SEL1L3: variants seen among roughly 807,000 people sequenced by gnomAD.
SEL1L3 encodes the protein SEL1L family member 3.
SEL1L3 carries 76 observed loss-of-function variants against 142.8 expected under a neutral mutation model. The observed-to-expected ratio is 0.53, with a 90% CI of 0.44 to 0.64. The LOEUF is 0.64. Among genes scored for constraint, SEL1L3 ranks in the 30% least tolerant of loss-of-function variants. The pLI, the probability that SEL1L3 is intolerant of heterozygous loss-of-function variation, is 0.00. For synonymous variants in SEL1L3, 504 were observed against 519.6 expected (o/e 0.97, Z 0.41); for missense variants, 1,262 against 1,381.7 (o/e 0.91, Z 1.37).
At chr4:25,760,750 A>G (rs529397805) in intron 20 of SEL1L3, among the ~76,000 whole-genome samples, 10 of 152,320 alleles carry the variant, frequency 6.6e-5, no homozygotes, top group African/African-American at 2.4e-4. Context: ...TTTCACAACC[A>G]TCGTATGTCG....
chr4:25,752,192 G>A (rs572953801), intron 23 of SEL1L3, among the ~76,000 whole-genome samples: 11 of 151,432 alleles, frequency 7.3e-5, no homozygotes, highest in South Asian at 2.1e-4. Context: ...TGAGTCGGGC[G>A]GATCACTTGA....
At chr4:25,717,834 T>C in the SEL1L3 span, among the ~76,000 whole-genome samples, 2 of 152,202 alleles carry the variant, frequency 1.3e-5, no homozygotes, top group South Asian at 2.1e-4. Flanking sequence ...GGGATAATTA[T>C]AGTAGCTAGA....
At position 25,847,531 on chromosome 4, in the gene SEL1L3, T is replaced by C. The variant is rs1716606621; in HGVS notation, c.496A>G (p.Ile166Val). 3.7e-6 allele frequency: 6 copies of C among 1,613,894 alleles called. No homozygotes were observed. Among genetic ancestry groups the C allele is most frequent in the Non-Finnish European group, 5.1e-6 (6 of 1,179,766 alleles). The change falls in exon 2 of 24, where the codon ATC (isoleucine) becomes GTC (valine). Residue 166 changes from isoleucine (I) to valine (V), a missense_variant. Physicochemically the swap from Ile to Val is conservative, Grantham distance 29. Transcript: ENST00000399878. ...CGTACTATCACTGCAGATACAGAGA[T>C]GGAATGTCTGATGAAATAATCATCT... ...YRDDYFIRHS[I>V]SVSAVIVRAW...
At chr4:25,807,770 C>T (rs1316274274) in intron 9 of SEL1L3, among the ~76,000 whole-genome samples, 1 of 152,024 alleles carries the variant, frequency 6.6e-6, no homozygotes, top group Non-Finnish European at 1.5e-5. Flanking sequence ...GCAGGAGCGC[C>T]CAGGTAGCTG....
the SEL1L3 span, among the ~76,000 whole-genome samples, chr4:25,716,613 T>C: frequency 2.0e-5 from 3 of 152,214 alleles, no homozygotes; most frequent in African/African-American, 7.2e-5. Flanking sequence ...AATAATGTTA[T>C]TACAAAATTG....
At chr4:25,794,736 A>G (rs1292421347) in intron 11 of SEL1L3, among the ~76,000 whole-genome samples, 1 of 152,240 alleles carries the variant, frequency 6.6e-6, no homozygotes, top group African/African-American at 2.4e-5. Flanking sequence ...AGGAATATAA[A>G]TCATTCTATT....
chr4:25,776,022 T>C (rs761174652), intron 17 of SEL1L3, among the ~76,000 whole-genome samples: 23 of 152,334 alleles, frequency 1.5e-4, no homozygotes, highest in Admixed American at 3.9e-4. Context: ...GAGAAATCAA[T>C]GTATTTGTAT....
At chr4:25,851,467 CA>C in intron 1 of SEL1L3, among the ~76,000 whole-genome samples, 1 of 152,078 alleles carries the variant, frequency 6.6e-6, no homozygotes, top group Non-Finnish European at 1.5e-5. Flanking sequence ...TGGTTGCTTA[CA>C]CGGATAAGAA....
intron 20 of SEL1L3, among the ~76,000 whole-genome samples, chr4:25,764,532 A>C (rs1187760506): frequency 6.6e-6 from 1 of 152,096 alleles, no homozygotes; most frequent in African/African-American, 2.4e-5. Context: ...AGAAGTTTCC[A>C]AAAAAAATCA....
intron 21 of SEL1L3, 123 bp from the exon 22 acceptor site, chr4:25,757,913 T>C: frequency 1.5e-6 from 1 of 674,366 alleles, no homozygotes; most frequent in Non-Finnish European, 2.6e-6. Context: ...CACACTCAAC[T>C]GACAAAGATG....
At chr4:25,729,762 A>G in the SEL1L3 span, among the ~76,000 whole-genome samples, 1 of 152,276 alleles carries the variant, frequency 6.6e-6, no homozygotes, top group East Asian at 1.9e-4. Flanking sequence ...CATTTAGCAT[A>G]AAACCCGGTC....
intron 1 of SEL1L3, among the ~76,000 whole-genome samples, chr4:25,857,427 T>C (rs1717340321): frequency 6.6e-6 from 1 of 152,234 alleles, no homozygotes; most frequent in Non-Finnish European, 1.5e-5. Context: ...GGTTTGCTCT[T>C]ATTTCATTGA....
intron 2 of SEL1L3, among the ~76,000 whole-genome samples, chr4:25,846,932 AAAG>A (rs1374516253): frequency 6.6e-6 from 1 of 151,194 alleles, no homozygotes; most frequent in Admixed American, 6.6e-5. Flanking sequence ...AAAAAAAAAA[AAAG>A]AGGAAACTTT....
At chr4:25,722,471 A>G in the SEL1L3 span, among the ~76,000 whole-genome samples, 1 of 152,156 alleles carries the variant, frequency 6.6e-6, no homozygotes, top group East Asian at 1.9e-4. Flanking sequence ...TCCCAGAAGA[A>G]TAAAAATACA....
chr4:25,734,634 T>G, the SEL1L3 span, among the ~76,000 whole-genome samples: 1 of 152,166 alleles, frequency 6.6e-6, no homozygotes, highest in Non-Finnish European at 1.5e-5. Flanking sequence ...AGTGGCCTGA[T>G]CTCGGCTTAC....
chr4:25,854,887 G>C (rs1184788738), intron 1 of SEL1L3, among the ~76,000 whole-genome samples: 1 of 152,228 alleles, frequency 6.6e-6, no homozygotes, highest in Non-Finnish European at 1.5e-5. Context: ...AAGCTTGAAT[G>C]ACAGCTGGAG....
At chr4:25,802,262 A>G (rs977117228) in intron 11 of SEL1L3, 21 bp downstream of exon 11, 1 of 1,600,558 alleles carries the variant, frequency 6.2e-7, no homozygotes, top group African/African-American at 1.3e-5. Flanking sequence ...AACCATTCCC[A>G]ACCTTTTTTC....
In SEL1L3 at chr4:25,793,770, C is replaced by T. The variant is rs566130298; in HGVS notation, c.1957-3196G>A. Among the ~76,000 whole-genome samples the T allele has an allele frequency of 1.9e-4, 29 of 152,276 alleles. No individual in the cohort carries two copies. In the South Asian group the frequency reaches 6.0e-3, roughly 32 times the overall value. ...TACATCAAAGGCACCAACCTATGAG[C>T]CATTCTTTTTCACTGTGCAAAGAGC... is the stretch of plus-strand genomic sequence containing the variant. On this transcript the variant is annotated intron_variant, in intron 11 of 23. Coordinates refer to ENST00000399878, the MANE Select transcript of SEL1L3 (RefSeq NM_015187.5).
At chr4:25,849,070 T>A (rs1716722101) in intron 1 of SEL1L3, among the ~76,000 whole-genome samples, 1 of 151,142 alleles carries the variant, frequency 6.6e-6, no homozygotes, top group Non-Finnish European at 1.5e-5. Flanking sequence ...ACCCGGGAGG[T>A]GGAGGTTGCA....
Sources: allele counts gnomAD v4.1 joint callset (sites outside exome capture counted in the v4.1 genomes callset), GRCh38; gene constraint gnomAD v4.1.1; transcripts MANE v1.5; gene names NCBI Gene and HGNC (gene_info 2026-07-23, HGNC 2026-07-21).